The following KIAA1217 variants were observed in gnomAD, a reference collection of about 807,000 sequenced individuals.
The protein encoded by KIAA1217 is KIAA1217.
KIAA1217 carries 88 observed loss-of-function variants against 163.9 expected under a neutral mutation model. That is an observed-to-expected ratio of 0.54 (90% confidence interval 0.45 to 0.64). KIAA1217 has a LOEUF of 0.64. Ranked by LOEUF, KIAA1217 falls within the 30% of genes least tolerant of loss-of-function variation. The probability of loss-of-function intolerance (pLI) is 0.00; values close to 1 mark genes in which losing one functional copy is unlikely to be tolerated. For synonymous variants in KIAA1217, 903 were observed against 923.1 expected (o/e 0.98, Z 0.39); for missense variants, 2,372 against 2,475.0 (o/e 0.96, Z 0.88).
intron 2 of KIAA1217, among the ~76,000 whole-genome samples, chr10:24,227,260 C>A (rs951441637): frequency 6.6e-6 from 1 of 151,342 alleles, no homozygotes; most frequent in Non-Finnish European, 1.5e-5. Flanking sequence ...TGGGTTCAAG[C>A]GATTCTCCTG....
intron 10 of KIAA1217, among the ~76,000 whole-genome samples, chr10:24,515,855 T>A (rs891281308): frequency 6.6e-6 from 1 of 152,174 alleles, no homozygotes; most frequent in African/African-American, 2.4e-5. Flanking sequence ...GAGAATCACT[T>A]GGGACCAGGA....
At chr10:23,707,027 A>G (rs1442188029) in intron 1 of KIAA1217, among the ~76,000 whole-genome samples, 2 of 152,212 alleles carry the variant, frequency 1.3e-5, no homozygotes, top group Non-Finnish European at 2.9e-5. Flanking sequence ...CAGAATATTT[A>G]TTGATCACCA....
At chr10:24,130,390 G>T (rs1269956800) in intron 2 of KIAA1217, among the ~76,000 whole-genome samples, 1 of 152,120 alleles carries the variant, frequency 6.6e-6, no homozygotes, top group East Asian at 1.9e-4. Flanking sequence ...TATTTTCCTG[G>T]AACCAGATTA....
At chr10:24,545,276 C>A (rs888976706) in intron 20 of KIAA1217, 173 bp downstream of exon 20, 16 of 1,415,096 alleles carry the variant, frequency 1.1e-5, no homozygotes, top group South Asian at 1.7e-5. Flanking sequence ...TTTTTTACCA[C>A]GCTTTTGCAT....
At chr10:24,076,940 A>C (rs1180719746) in intron 2 of KIAA1217, among the ~76,000 whole-genome samples, 1 of 150,162 alleles carries the variant, frequency 6.7e-6, no homozygotes, top group Admixed American at 6.7e-5. Context: ...GCGACAGTGC[A>C]ATCTTGGCTC....
chr10:24,213,632 A>G (rs1190455392), intron 1 of KIAA1217, among the ~76,000 whole-genome samples: 1 of 152,138 alleles, frequency 6.6e-6, no homozygotes, highest in Non-Finnish European at 1.5e-5. Context: ...TCTACTTCAC[A>G]CTGTATCTCC....
chr10:23,762,943 A>C (rs1834335395), intron 1 of KIAA1217, among the ~76,000 whole-genome samples: 1 of 152,216 alleles, frequency 6.6e-6, no homozygotes, highest in Non-Finnish European at 1.5e-5. Flanking sequence ...ATCAATGTGC[A>C]AACATCACAA....
intron 9 of KIAA1217, among the ~76,000 whole-genome samples, chr10:24,510,717 G>A (rs575594786): frequency 2.0e-4 from 30 of 152,252 alleles, no homozygotes; most frequent in African/African-American, 6.5e-4. Flanking sequence ...TTGATAGCAC[G>A]TGGCTTTGCT....
At chr10:24,198,583 G>GAAA (rs35790678) in intron 2 of KIAA1217, among the ~76,000 whole-genome samples, 17 of 115,002 alleles carry the variant, frequency 1.5e-4, no homozygotes, top group African/African-American at 5.1e-4. Flanking sequence ...CTCTTATCTC[G>GAAA]AAAAAAAAAA....
In KIAA1217 at chr10:23,748,520, A is replaced by G. The variant is rs572725541; in HGVS notation, c.-321+53286A>G. On this transcript the variant is annotated intron_variant, in intron 1 of 18. Transcript: ENST00000376462. ...AGGGAAAGGAGAGGAGAGGAGAGGA[A>G]AGGAAGGAGAGGGGAGGGGAGGAGA... Among the ~76,000 whole-genome samples the G allele has an allele frequency of 2.5e-5, 3 of 121,146 alleles. No individual in the cohort carries two copies. In the South Asian group the frequency reaches 9.6e-4, roughly 39 times the overall value. 79.5% of individuals were successfully genotyped at this position (121,146 alleles called of 152,430 possible).
intron 2 of KIAA1217, among the ~76,000 whole-genome samples, chr10:24,147,854 A>G (rs995205501): frequency 6.7e-6 from 1 of 149,568 alleles, no homozygotes; most frequent in Non-Finnish European, 1.5e-5. Context: ...AAAAAAAAAA[A>G]AAAAAAAAGA....
chr10:23,790,234 TGC>T lies in KIAA1217; in HGVS notation c.-321+95001_-321+95002del, dbSNP rs1410908696. Among the ~76,000 whole-genome samples the T allele has an allele frequency of 3.5e-5, 4 of 113,398 alleles. 1 individual carries two copies. The highest frequency in any genetic ancestry group is 6.8e-5 in the Non-Finnish European group (4 of 58,470). 74.4% of individuals were successfully genotyped at this position (113,398 alleles called of 152,430 possible). The stretch of plus-strand genomic sequence containing the variant: ...ATATACACATATGCATATGCACATA[TGC>T]ATATGCACATATGCATATGCACATA... On this transcript the variant is annotated intron_variant, in intron 1 of 18. Transcript: ENST00000376462.
At chr10:23,841,737 T>G (rs1838793612) in intron 1 of KIAA1217, among the ~76,000 whole-genome samples, 1 of 152,148 alleles carries the variant, frequency 6.6e-6, no homozygotes, top group Non-Finnish European at 1.5e-5. Flanking sequence ...GGGTAATTTA[T>G]TATTATAATG....
At chr10:24,453,320 T>G (rs2061526225) in intron 5 of KIAA1217, among the ~76,000 whole-genome samples, 1 of 152,240 alleles carries the variant, frequency 6.6e-6, no homozygotes, top group South Asian at 2.1e-4. Flanking sequence ...CCAGCCAGCT[T>G]TCGCTAATCC....
chr10:24,377,386 C>T (rs1021926360), intron 2 of KIAA1217, among the ~76,000 whole-genome samples: 2 of 152,196 alleles, frequency 1.3e-5, no homozygotes, highest in African/African-American at 4.8e-5. Flanking sequence ...TCCCCTGCTT[C>T]CTCCTCAGTT....
chr10:24,545,554 C>A, intron 20 of KIAA1217: 1 of 1,344,950 alleles, frequency 7.4e-7, no homozygotes, highest in Non-Finnish European at 9.5e-7. Context: ...GCATGGCCCA[C>A]CTGGCACACA....
At chr10:24,525,033 G>GAGACAC (rs2071900447) in intron 13 of KIAA1217, among the ~76,000 whole-genome samples, 1 of 108,636 alleles carries the variant, frequency 9.2e-6, no homozygotes, top group Non-Finnish European at 2.2e-5. Flanking sequence ...ACAGCAGTGT[G>GAGACAC]CTGGTAAATG....
chr10:23,891,815 A>G (rs1841430638), intron 1 of KIAA1217, among the ~76,000 whole-genome samples: 1 of 151,948 alleles, frequency 6.6e-6, no homozygotes, highest in African/African-American at 2.4e-5. Flanking sequence ...GTTTGGTTTT[A>G]AAAATGAAAA....
chr10:24,447,129 C>T (rs1564696026), intron 5 of KIAA1217, among the ~76,000 whole-genome samples: 1 of 152,278 alleles, frequency 6.6e-6, no homozygotes, highest in South Asian at 2.1e-4. Context: ...CTGCCCCGCT[C>T]TCTTTGTGCA....
Sources: gnomAD v4.1 joint callset for allele counts (sites outside exome capture counted in the v4.1 genomes callset) on GRCh38, gnomAD v4.1.1 for gene constraint, MANE v1.5 for transcripts, NCBI Gene and HGNC (gene_info 2026-07-23, HGNC 2026-07-21) for gene names.